SYNPO2: variants seen among roughly 807,000 people sequenced by gnomAD.
SYNPO2 encodes the protein synaptopodin-2.
A neutral mutation model predicts 85.0 loss-of-function variants in SYNPO2; 56 were observed. That is an observed-to-expected ratio of 0.66 (90% CI 0.53 to 0.82). The LOEUF (loss-of-function observed/expected upper bound fraction) is 0.82, where lower values mean the gene tolerates loss of function less well. Among genes scored for constraint, SYNPO2 ranks in the 40% least tolerant of loss-of-function variants. The pLI, the probability that SYNPO2 is intolerant of heterozygous loss-of-function variation, is 0.00. For missense variants in SYNPO2, 1,575 were observed against 1,534.2 expected, an observed-to-expected ratio of 1.03 and a Z score of -0.44; for synonymous variants, 602 against 591.1, an observed-to-expected ratio of 1.02 and a Z score of -0.27.
chr4:118,928,375 C>T (rs893540299), intron 1 of SYNPO2, among the ~76,000 whole-genome samples: 1 of 152,066 alleles, frequency 6.6e-6, no homozygotes, highest in African/African-American at 2.4e-5. Flanking sequence ...AATGTTGATC[C>T]TTGAGAAAGC....
chr4:119,011,954 A>C (rs1578641214), intron 1 of SYNPO2, among the ~76,000 whole-genome samples: 3 of 121,798 alleles, frequency 2.5e-5, no homozygotes, highest in East Asian at 2.4e-4. Context: ...ATGGAGTCTC[A>C]CTCTATCACC....
intron 1 of SYNPO2, among the ~76,000 whole-genome samples, chr4:119,016,047 C>T (rs760793669): frequency 2.0e-5 from 3 of 152,134 alleles, no homozygotes; most frequent in Non-Finnish European, 4.4e-5. Context: ...GGATAGGATC[C>T]ATATACTTTC....
At chr4:118,851,062 C>T (rs2110559297) in intron 1 of SYNPO2, 5 of 397,580 alleles carry the variant, frequency 1.3e-5, no homozygotes, top group African/African-American at 4.1e-5. Flanking sequence ...TCATACCTTT[C>T]ATCTTTTCAA....
chr4:118,948,672 A>G (rs1734586893), intron 1 of SYNPO2, among the ~76,000 whole-genome samples: 1 of 152,080 alleles, frequency 6.6e-6, no homozygotes, highest in African/African-American at 2.4e-5. Flanking sequence ...AGAGAGAGGA[A>G]AGAGGTGTCA....
chr4:118,991,541 A>G (rs1736415068), intron 1 of SYNPO2, among the ~76,000 whole-genome samples: 1 of 152,226 alleles, frequency 6.6e-6, no homozygotes, highest in Non-Finnish European at 1.5e-5. Flanking sequence ...TTTCCATCAA[A>G]GTTGAGCCTT....
chr4:119,023,717 A>G (rs1307172026), intron 2 of SYNPO2, 136 bp downstream of exon 2: 3 of 1,003,484 alleles, frequency 3.0e-6, no homozygotes, highest in Non-Finnish European at 4.1e-6. Flanking sequence ...AGTTAAACAG[A>G]AACACCACTG....
chr4:118,926,300 A>G (rs191125397), intron 1 of SYNPO2, among the ~76,000 whole-genome samples: 206 of 152,254 alleles, frequency 1.4e-3, no homozygotes, highest in African/African-American at 4.7e-3. Context: ...AATTTTTTTC[A>G]CATAATTCTT....
rs778512441 is a variant in SYNPO2, at chr4:119,026,942, A to G, written c.573A>G (p.Val191=). The change falls in exon 3 of 5, where the codon GTA becomes GTG. Residue 191 remains valine, a synonymous_variant. Coordinates refer to ENST00000307142, the MANE Select transcript of SYNPO2 (RefSeq NM_133477.3). ...TCTTAAGGGAGAAGGTAGAAGCGGT[A>G]CAGCCTGGGCCTGTGGTTGAGCTGC... ...ELILREKVEA[V]QPGPVVELQL... is the part of the protein sequence containing the mutation. 30 of 1,614,180 alleles carry G rather than the reference A, an allele frequency of 1.9e-5. No individual in the cohort carries two copies. The highest frequency in any genetic ancestry group is 2.5e-5 in the Non-Finnish European group (29 of 1,180,024).
rs1204668141 is a variant in SYNPO2, at chr4:119,060,989, T to C, written c.*3055T>C. On this transcript the variant is annotated 3_prime_UTR_variant, in exon 5 of 5. Coordinates refer to ENST00000307142, the MANE Select transcript of SYNPO2 (RefSeq NM_133477.3). The stretch of plus-strand genomic sequence containing the variant: ...ATGTATATGCAAAAAAAAAAAGTTA[T>C]ATCAAACAGGCACAGTTATTACAAC... 6.6e-6 allele frequency: 1 copy of C among 152,082 alleles called. No individual in the cohort carries two copies. The highest frequency in any genetic ancestry group is 6.6e-5 in the Admixed American group (1 of 15,246). The allele number at this position is 152,082 out of a possible 1,614,324, so 9.4% of individuals were successfully genotyped here. A position where few individuals can be genotyped will look rare whatever the true frequency, so the allele number is the denominator to read the frequency against.
intron 4 of SYNPO2, chr4:119,044,038 G>A (rs866877262): frequency 1.8e-4 from 27 of 149,136 alleles, no homozygotes; most frequent in African/African-American, 6.7e-4. Flanking sequence ...CTCTAATTTC[G>A]TATGTCTGAT....
intron 1 of SYNPO2, among the ~76,000 whole-genome samples, chr4:118,991,563 T>G (rs1344563064): frequency 6.6e-6 from 1 of 152,170 alleles, no homozygotes; most frequent in Non-Finnish European, 1.5e-5. Flanking sequence ...TATCAAAGTC[T>G]AAGATTGAAG....
intron 1 of SYNPO2, among the ~76,000 whole-genome samples, chr4:118,994,235 C>T (rs976255160): frequency 1.3e-5 from 2 of 152,226 alleles, no homozygotes; most frequent in Admixed American, 6.5e-5. Context: ...GCAGAAAACC[C>T]TGCCATCAGC....
chr4:118,926,319 G>T (rs1458484510), intron 1 of SYNPO2, among the ~76,000 whole-genome samples: 1 of 152,128 alleles, frequency 6.6e-6, no homozygotes, highest in Admixed American at 6.6e-5. Flanking sequence ...TTGAGTCCTG[G>T]TGAGAGAGGA....
chr4:119,032,340 T>C (rs1738310899), intron 4 of SYNPO2: 1 of 1,267,290 alleles, frequency 7.9e-7, no homozygotes, highest in Non-Finnish European at 1.0e-6. Flanking sequence ...ATTTGTGCTG[T>C]AGCCACAAGA....
chr4:119,057,995 G>T lies in SYNPO2; in HGVS notation c.*61G>T. The T allele has an allele frequency of 6.6e-7, 1 of 1,513,364 alleles. No homozygotes were observed. The highest frequency in any genetic ancestry group is 1.4e-5 in the African/African-American group (1 of 71,474). 93.7% of individuals were successfully genotyped at this position (1,513,364 alleles called of 1,614,324 possible). A position where few individuals can be genotyped will look rare whatever the true frequency, so the allele number is the denominator to read the frequency against. ...TTTTAAAAAAAACGCTCCTTTGTAG[G>T]GTTTTAAACTTTTCTAATAGATTTA... On this transcript the variant is annotated 3_prime_UTR_variant, in exon 5 of 5. Transcript: ENST00000307142.
intron 1 of SYNPO2, chr4:119,006,001 A>T (rs1445103286): frequency 6.6e-6 from 1 of 152,482 alleles, no homozygotes; most frequent in African/African-American, 2.4e-5. Context: ...GAGGTGTCTG[A>T]GCTCCAGCCA....
chr4:118,927,139 A>C (rs1733737985), intron 1 of SYNPO2, among the ~76,000 whole-genome samples: 1 of 151,976 alleles, frequency 6.6e-6, no homozygotes, highest in Non-Finnish European at 1.5e-5. Flanking sequence ...CTTTCATGCA[A>C]GTTAACTGTC....
In SYNPO2 at chr4:118,972,102, A is replaced by C. The variant is rs529451606; in HGVS notation, c.106-51328A>C. Among the ~76,000 whole-genome samples the C allele has an allele frequency of 3.9e-5, 6 of 152,318 alleles. No homozygotes were observed. In the South Asian group the frequency reaches 6.2e-4, roughly 16 times the overall value. ...AACTTCTGACGAGAACTTCCTCAGA[A>C]CATAAAAGAAAGAGAGGAGACAGAA... On this transcript the variant is annotated intron_variant, in intron 1 of 4. Transcript: ENST00000307142.
intron 1 of SYNPO2, among the ~76,000 whole-genome samples, chr4:119,012,373 TTC>T (rs1737344902): frequency 3.1e-5 from 2 of 64,876 alleles, no homozygotes; most frequent in Non-Finnish European, 2.9e-5. Flanking sequence ...TTTCCCCCTT[TTC>T]TTTTTTTTTT....
Sources: allele counts gnomAD v4.1 joint callset (sites outside exome capture counted in the v4.1 genomes callset), GRCh38; gene constraint gnomAD v4.1.1; transcripts MANE v1.5; gene names NCBI Gene and HGNC (gene_info 2026-07-23, HGNC 2026-07-21).